Variants in AFG2A observed in about 807,000 individuals in gnomAD.
AFG2A encodes ATPase family gene 2 protein homolog A.
chr4:123,049,869 TCTTG>T, the AFG2A span, among the ~76,000 whole-genome samples: 4 of 152,080 alleles, frequency 2.6e-5, no homozygotes, highest in African/African-American at 9.7e-5. Context: ...TTTGGTTTGT[TCTTG>T]CTTTTCTAGT....
the AFG2A span, chr4:122,927,749 A>C: frequency 1.2e-6 from 2 of 1,612,682 alleles, no homozygotes; most frequent in Non-Finnish European, 1.7e-6. Flanking sequence ...GTTTGAACGG[A>C]AAGCAAGAGG....
the AFG2A span, chr4:122,947,164 G>A: frequency 1.4e-6 from 2 of 1,438,036 alleles, no homozygotes; most frequent in Non-Finnish European, 1.8e-6. Flanking sequence ...TATACAGCCA[G>A]TGTGTGCCTC....
chr4:123,224,404 C>T, the AFG2A span, among the ~76,000 whole-genome samples: 2 of 151,662 alleles, frequency 1.3e-5, no homozygotes, highest in African/African-American at 2.4e-5. Context: ...TGTTCCCCTT[C>T]CTGTGTCCAT....
At chr4:123,115,905 T>A in the AFG2A span, among the ~76,000 whole-genome samples, 111,854 of 151,814 alleles carry the variant, frequency 0.74, 41,773 homozygotes, top group East Asian at 0.97. Context: ...GGACATTTTT[T>A]AAAAAATTTT....
chr4:123,004,727 T>G, the AFG2A span, among the ~76,000 whole-genome samples: 1 of 152,234 alleles, frequency 6.6e-6, no homozygotes, highest in Non-Finnish European at 1.5e-5. Flanking sequence ...CAGGATAATG[T>G]TGGCACGGTG....
chr4:123,155,768 A>G, the AFG2A span, among the ~76,000 whole-genome samples: 1 of 152,208 alleles, frequency 6.6e-6, no homozygotes, highest in South Asian at 2.1e-4. Flanking sequence ...AGATTTTGGT[A>G]TCTGCAGGAG....
At chr4:123,073,254 G>A in the AFG2A span, among the ~76,000 whole-genome samples, 1 of 150,932 alleles carries the variant, frequency 6.6e-6, no homozygotes, top group Admixed American at 6.6e-5. Context: ...AGGAAATGAT[G>A]TTAAAACATT....
the AFG2A span, among the ~76,000 whole-genome samples, chr4:123,165,795 T>G: frequency 1.4e-4 from 21 of 152,168 alleles, no homozygotes; most frequent in Non-Finnish European, 2.2e-4. Flanking sequence ...AAAGTGAATT[T>G]TTTCAAAGGA....
the AFG2A span, among the ~76,000 whole-genome samples, chr4:123,170,817 A>G: frequency 6.6e-6 from 1 of 151,992 alleles, no homozygotes; most frequent in African/African-American, 2.4e-5. Context: ...TTTCTTTCTT[A>G]ACTTTTTGTT....
chr4:123,057,487 A>C, the AFG2A span, among the ~76,000 whole-genome samples: 1 of 152,092 alleles, frequency 6.6e-6, no homozygotes, highest in Non-Finnish European at 1.5e-5. Flanking sequence ...ACTTTTATCT[A>C]TATTGGATAA....
At chr4:123,225,435 C>A in the AFG2A span, among the ~76,000 whole-genome samples, 1 of 152,180 alleles carries the variant, frequency 6.6e-6, no homozygotes, top group Non-Finnish European at 1.5e-5. Flanking sequence ...ATATGGCTAG[C>A]CAGTTTTCCC....
At chr4:123,188,228 A>G in the AFG2A span, among the ~76,000 whole-genome samples, 1 of 152,152 alleles carries the variant, frequency 6.6e-6, no homozygotes, top group Non-Finnish European at 1.5e-5. Context: ...ATGCATTCCT[A>G]CAAAGTTTGT....
the AFG2A span, among the ~76,000 whole-genome samples, chr4:123,053,251 A>G: frequency 2.0e-5 from 3 of 152,218 alleles, no homozygotes; most frequent in Non-Finnish European, 4.4e-5. Flanking sequence ...GCTTGCCACA[A>G]ATCTCACAGG....
At chr4:123,035,646 AGTT>A in the AFG2A span, among the ~76,000 whole-genome samples, 1 of 152,084 alleles carries the variant, frequency 6.6e-6, no homozygotes, top group Non-Finnish European at 1.5e-5. Context: ...ACTATGTTAA[AGTT>A]GTGGCATCAT....
At chr4:123,255,726 T>C in the AFG2A span, among the ~76,000 whole-genome samples, 9 of 144,726 alleles carry the variant, frequency 6.2e-5, no homozygotes, top group African/African-American at 1.5e-4. Flanking sequence ...TATTTTTTTT[T>C]TTTTTTTTTT....
At chr4:123,224,955 T>C in the AFG2A span, among the ~76,000 whole-genome samples, 457 of 152,346 alleles carry the variant, frequency 3.0e-3, 2 homozygotes, top group African/African-American at 1.0e-2. Flanking sequence ...ATTTCTCTGA[T>C]GGCCAGTGAT....
the AFG2A span, among the ~76,000 whole-genome samples, chr4:123,197,747 G>A: frequency 6.6e-6 from 1 of 150,998 alleles, no homozygotes; most frequent in Non-Finnish European, 1.5e-5. Context: ...CAGCCTGGGT[G>A]ACGGAGTAAG....
chr4:123,068,681 T>C, the AFG2A span, among the ~76,000 whole-genome samples: 1 of 152,134 alleles, frequency 6.6e-6, no homozygotes, highest in Non-Finnish European at 1.5e-5. Context: ...GAAAATGTCT[T>C]CATTCTCTTA....
the AFG2A span, among the ~76,000 whole-genome samples, chr4:123,231,121 C>A: frequency 2.0e-5 from 3 of 151,914 alleles, no homozygotes; most frequent in Non-Finnish European, 4.4e-5. Context: ...AGAGAGTCAG[C>A]CTATCCTTTG....
Sources: allele counts gnomAD v4.1 joint callset (sites outside exome capture counted in the v4.1 genomes callset), GRCh38; gene constraint gnomAD v4.1.1; transcripts MANE v1.5; gene names NCBI Gene and HGNC (gene_info 2026-07-23, HGNC 2026-07-21).